RIMS3: variants seen among roughly 807,000 people sequenced by gnomAD.
The protein encoded by RIMS3 is regulating synaptic membrane exocytosis 3.
RIMS3 carries 15 observed loss-of-function variants against 29.2 expected under a neutral mutation model. The ratio of observed to expected loss-of-function variants is 0.51; its 90% CI spans 0.34 to 0.79. The LOEUF (loss-of-function observed/expected upper bound fraction) is 0.79, where lower values mean the gene tolerates loss of function less well. RIMS3 is among the 30% of genes least tolerant of loss of function. The probability of loss-of-function intolerance (pLI) is 0.01; values close to 1 mark genes in which losing one functional copy is unlikely to be tolerated. For synonymous variants in RIMS3, 161 were observed against 170.1 expected, an observed-to-expected ratio of 0.95 and a Z score of 0.41; for missense variants, 342 against 421.4, an observed-to-expected ratio of 0.81 and a Z score of 1.65.
the RIMS3 span, chr1:40,673,180 A>G: frequency 6.6e-6 from 1 of 151,124 alleles, no homozygotes; most frequent in Admixed American, 6.6e-5. Context: ...CTCCATCTCA[A>G]AAAAAAAAGC....
At chr1:40,642,111 G>C (rs1258762485) in intron 2 of RIMS3, among the ~76,000 whole-genome samples, 155 bp from the exon 3 acceptor site, 1 of 152,234 alleles carries the variant, frequency 6.6e-6, no homozygotes, top group Non-Finnish European at 1.5e-5. Context: ...AGCATGCACA[G>C]GTTCTGGCTC....
chr1:40,640,999 C>T (rs1431599780), intron 3 of RIMS3, among the ~76,000 whole-genome samples: 1 of 152,156 alleles, frequency 6.6e-6, no homozygotes, highest in Non-Finnish European at 1.5e-5. Flanking sequence ...AGACACTGAG[C>T]GTTCTATTTA....
the RIMS3 span, chr1:40,691,790 C>T: frequency 2.2e-6 from 1 of 452,226 alleles, no homozygotes; most frequent in Non-Finnish European, 4.4e-6. Flanking sequence ...TCCCCTCCGC[C>T]GCGCCTGGGC....
At chr1:40,667,933 G>A (rs1642445211), upstream of RIMS3, among the ~76,000 whole-genome samples, 1 of 152,058 alleles carries the variant, frequency 6.6e-6, no homozygotes, top group African/African-American at 2.4e-5. Flanking sequence ...TGGGCAACAT[G>A]GCAAAACTTT....
At chr1:40,668,494 G>T (rs1410890883), upstream of RIMS3, among the ~76,000 whole-genome samples, 1 of 19,450 alleles carries the variant, frequency 5.1e-5, no homozygotes, top group Non-Finnish European at 1.1e-4. Flanking sequence ...TTGTGGGCGG[G>T]GGGGGGGGGG....
chr1:40,681,269 T>C, the RIMS3 span, among the ~76,000 whole-genome samples: 1 of 151,968 alleles, frequency 6.6e-6, no homozygotes, highest in Non-Finnish European at 1.5e-5. Flanking sequence ...GTGAGCTCAG[T>C]AGAAGGGATG....
the RIMS3 span, among the ~76,000 whole-genome samples, chr1:40,680,889 A>G: frequency 6.6e-6 from 1 of 152,200 alleles, no homozygotes; most frequent in African/African-American, 2.4e-5. Context: ...GCTGTAAAAC[A>G]TAACTCTTGA....
chr1:40,679,259 CAG>C, the RIMS3 span, among the ~76,000 whole-genome samples: 1 of 152,182 alleles, frequency 6.6e-6, no homozygotes, highest in East Asian at 1.9e-4. Context: ...CCAGCAGAAG[CAG>C]AGAGAACAAT....
chr1:40,626,899 G>A (rs1331041977), intron 7 of RIMS3, among the ~76,000 whole-genome samples, 170 bp from the exon 8 acceptor site: 1 of 152,202 alleles, frequency 6.6e-6, no homozygotes, highest in African/African-American at 2.4e-5. Flanking sequence ...TGTTAGATAC[G>A]ATCCTATGGA....
At chr1:40,638,108 A>G (rs1646532240) in intron 3 of RIMS3, among the ~76,000 whole-genome samples, 1 of 152,130 alleles carries the variant, frequency 6.6e-6, no homozygotes, top group African/African-American at 2.4e-5. Flanking sequence ...GAATCCTGAA[A>G]TCTTAGAGAT....
At chr1:40,688,306 G>A in the RIMS3 span, among the ~76,000 whole-genome samples, 2 of 152,066 alleles carry the variant, frequency 1.3e-5, no homozygotes, top group African/African-American at 2.4e-5. Context: ...ATGAGATAGA[G>A]AGGTGTGGCT....
chr1:40,676,517 AG>A, the RIMS3 span, among the ~76,000 whole-genome samples: 1 of 152,184 alleles, frequency 6.6e-6, no homozygotes, highest in South Asian at 2.1e-4. Context: ...AAAGGAACTG[AG>A]GAACCAGGGC....
intron 5 of RIMS3, among the ~76,000 whole-genome samples, chr1:40,629,846 G>A (rs952617643): frequency 5.3e-5 from 8 of 152,074 alleles, no homozygotes; most frequent in Non-Finnish European, 4.4e-5. Context: ...GGAGGCAGAG[G>A]CGGGCAGATC....
rs187931575 is a variant in RIMS3 at position 40,634,579 on chromosome 1, C to T, written c.359+1337G>A. ...TTGGGTAAGGTGGCCCACCCTCTTC[C>T]TCTCCCTGTTTCTCCACTTGTAAAA... On this transcript the variant is annotated intron_variant, in intron 4 of 7. Coordinates refer to ENST00000372684, the MANE Select transcript of RIMS3 (RefSeq NM_014747.3). 6.8e-3 allele frequency among the ~76,000 whole-genome samples: 1,040 copies of T among 152,292 alleles called. 5 individuals carry two copies. Among genetic ancestry groups the T allele is most frequent in the Non-Finnish European group, 0.011 (763 of 68,014 alleles).
the RIMS3 span, among the ~76,000 whole-genome samples, chr1:40,671,704 T>C: frequency 6.6e-6 from 1 of 152,044 alleles, no homozygotes; most frequent in Non-Finnish European, 1.5e-5. Context: ...AGTATCATGC[T>C]TCCTGTACAG....
the RIMS3 span, among the ~76,000 whole-genome samples, chr1:40,686,614 G>A: frequency 6.6e-6 from 1 of 151,386 alleles, no homozygotes; most frequent in Non-Finnish European, 1.5e-5. Context: ...CTGAGATTGC[G>A]CCACTGCACT....
chr1:40,649,705 AGAG>A (rs1389542339), intron 1 of RIMS3, among the ~76,000 whole-genome samples: 3 of 152,314 alleles, frequency 2.0e-5, no homozygotes, highest in Admixed American at 6.5e-5. Flanking sequence ...TGTGGTGAGG[AGAG>A]GAGAAGGCTG....
At chr1:40,687,294 T>C in the RIMS3 span, among the ~76,000 whole-genome samples, 2 of 142,446 alleles carry the variant, frequency 1.4e-5, no homozygotes, top group Non-Finnish European at 3.0e-5. Flanking sequence ...GTCACTGAAA[T>C]GTATACTTAA....
chr1:40,673,040 C>T, the RIMS3 span, among the ~76,000 whole-genome samples: 4 of 151,932 alleles, frequency 2.6e-5, no homozygotes, highest in East Asian at 1.9e-4. Context: ...ATTAGCGGAG[C>T]GTGGTGGCAG....
Sources: allele counts gnomAD v4.1 joint callset (sites outside exome capture counted in the v4.1 genomes callset), GRCh38; gene constraint gnomAD v4.1.1; transcripts MANE v1.5; gene names NCBI Gene and HGNC (gene_info 2026-07-23, HGNC 2026-07-21).